Variants in FAM174B observed in about 807,000 individuals in gnomAD.
The protein encoded by FAM174B is membrane protein FAM174B.
In FAM174B, 12 loss-of-function variants were observed where a neutral mutation model predicts 10.9. The observed-to-expected ratio is 1.10, with a 90% CI of 0.71 to 1.79. The LOEUF (loss-of-function observed/expected upper bound fraction) is 1.79. Among genes scored for constraint, FAM174B ranks in the 40% most tolerant of loss-of-function variants. The pLI is 0.00. For synonymous variants in FAM174B, 132 were observed against 115.8 expected, an observed-to-expected ratio of 1.14 and a Z score of -0.90; for missense variants, 266 against 233.3, an observed-to-expected ratio of 1.14 and a Z score of -0.91.
chr15:92,622,520 G>A (rs1264262091), intron 2 of FAM174B, among the ~76,000 whole-genome samples: 3 of 152,238 alleles, frequency 2.0e-5, no homozygotes, highest in Non-Finnish European at 2.9e-5. Context: ...GAGGCTGGCT[G>A]TAAAGTCCTG....
At chr15:92,625,251 G>GA (rs1380987277) in intron 2 of FAM174B, among the ~76,000 whole-genome samples, 3 of 151,316 alleles carry the variant, frequency 2.0e-5, no homozygotes, top group South Asian at 2.1e-4. Context: ...AAAACTTCGA[G>GA]AAAAAAAAGC....
At chr15:92,648,045 C>G (rs1344074031) in intron 1 of FAM174B, among the ~76,000 whole-genome samples, 1 of 152,212 alleles carries the variant, frequency 6.6e-6, no homozygotes, top group African/African-American at 2.4e-5. Context: ...CAATCAAAAC[C>G]TCTTTGAATC....
chr15:92,642,652 T>G (rs2050899041), intron 1 of FAM174B, among the ~76,000 whole-genome samples: 1 of 152,208 alleles, frequency 6.6e-6, no homozygotes, highest in South Asian at 2.1e-4. Flanking sequence ...TGCTTCCTCT[T>G]CCGCCATGAT....
At chr15:92,647,030 T>C (rs574767100) in intron 1 of FAM174B, among the ~76,000 whole-genome samples, 13 of 152,350 alleles carry the variant, frequency 8.5e-5, no homozygotes, top group African/African-American at 2.6e-4. Context: ...TAAATCTCTT[T>C]AAATATTTTA....
intron 2 of FAM174B, among the ~76,000 whole-genome samples, chr15:92,623,728 G>A (rs755303466): frequency 2.6e-5 from 4 of 152,216 alleles, no homozygotes; most frequent in African/African-American, 9.6e-5. Context: ...ATGAGTGAAC[G>A]ACGGAGAAGC....
chr15:92,649,638 G>T (rs1287400188), intron 1 of FAM174B, among the ~76,000 whole-genome samples: 1 of 152,162 alleles, frequency 6.6e-6, no homozygotes, highest in Non-Finnish European at 1.5e-5. Context: ...TGCCCAGAAA[G>T]GTTCAATAAA....
intron 1 of FAM174B, among the ~76,000 whole-genome samples, chr15:92,635,456 C>T (rs575434609): frequency 6.6e-6 from 1 of 152,068 alleles, no homozygotes; most frequent in South Asian, 2.1e-4. Context: ...TGTGGTGCAC[C>T]GGCTGTGTTG....
At chr15:92,634,154 T>G (rs972960370) in intron 1 of FAM174B, among the ~76,000 whole-genome samples, 1 of 152,174 alleles carries the variant, frequency 6.6e-6, no homozygotes, top group African/African-American at 2.4e-5. Context: ...AGAAAAGAAA[T>G]GTCCTTCAAA....
intron 1 of FAM174B, among the ~76,000 whole-genome samples, chr15:92,638,768 C>T (rs1352622945): frequency 6.6e-5 from 10 of 152,204 alleles, no homozygotes. Context: ...TCTCACTTCT[C>T]CTGAGGCCAT....
rs765443275 is a variant in FAM174B, at chr15:92,655,349, A to T, written c.311T>A (p.Leu104His). 8.8e-6 allele frequency: 14 copies of T among 1,583,210 alleles called. No homozygotes were observed. The highest frequency in any genetic ancestry group is 1.2e-5 in the Non-Finnish European group (14 of 1,165,490). ...AVIVAFAFTT[L>H]LIACLLLRVF... is the part of the protein sequence containing the mutation. ...GCGCAGCAGCAGGCAGGCGATGAGG[A>T]GGGTGGTAAAGGCGAACGCCACGAT... The change falls in exon 1 of 3, where the codon CTC (leucine) becomes CAC (histidine). Residue 104 changes from leucine (L) to histidine (H), a missense_variant. By Grantham distance (99) the Leu-to-His change is moderately conservative (BLOSUM62 -3). Transcript: ENST00000327355.
At chr15:92,623,353 C>T (rs1375959395) in intron 2 of FAM174B, among the ~76,000 whole-genome samples, 2 of 152,124 alleles carry the variant, frequency 1.3e-5, no homozygotes, top group Non-Finnish European at 1.5e-5. Flanking sequence ...CCCCCAGAAC[C>T]GCCAAACTGC....
intron 1 of FAM174B, among the ~76,000 whole-genome samples, chr15:92,634,054 G>C (rs1174315055): frequency 6.6e-6 from 1 of 152,198 alleles, no homozygotes; most frequent in East Asian, 1.9e-4. Flanking sequence ...GACAAGTTGC[G>C]GCTGTCTGGG....
intron 1 of FAM174B, among the ~76,000 whole-genome samples, chr15:92,643,341 G>T (rs1490737709): frequency 4.9e-5 from 1 of 20,606 alleles, no homozygotes; most frequent in Non-Finnish European, 1.8e-4. Flanking sequence ...AAATAGGGAA[G>T]GAATGTGTGT....
chr15:92,649,463 A>G (rs1362458949), intron 1 of FAM174B, among the ~76,000 whole-genome samples: 1 of 152,214 alleles, frequency 6.6e-6, no homozygotes, highest in East Asian at 1.9e-4. Context: ...CAGAAGCAAG[A>G]CCAAAAGGTT....
At chr15:92,623,080 C>T (rs187245745) in intron 2 of FAM174B, among the ~76,000 whole-genome samples, 2 of 151,786 alleles carry the variant, frequency 1.3e-5, no homozygotes, top group South Asian at 2.1e-4. Context: ...CACTTGATCC[C>T]GGGAGGCAGA....
At chr15:92,623,224 G>C (rs912145325) in intron 2 of FAM174B, among the ~76,000 whole-genome samples, 2 of 151,998 alleles carry the variant, frequency 1.3e-5, no homozygotes, top group African/African-American at 4.8e-5. Context: ...CCCCTCGAGG[G>C]CAGGGCCAGG....
At chr15:92,622,597 C>T (rs1476746047) in intron 2 of FAM174B, among the ~76,000 whole-genome samples, 2 of 152,264 alleles carry the variant, frequency 1.3e-5, no homozygotes, top group African/African-American at 2.4e-5. Context: ...GGGGTTCCCC[C>T]GAGGAGGGGC....
intron 2 of FAM174B, among the ~76,000 whole-genome samples, chr15:92,627,867 TGAGACAGATAAA>T (rs1404401032): frequency 2.5e-4 from 38 of 152,354 alleles, no homozygotes; most frequent in Admixed American, 2.2e-3. Flanking sequence ...GTATTGAATG[TGAGACAGATAAA>T]ATGGCTTAGC....
At chr15:92,632,106 G>A (rs1166192442) in intron 1 of FAM174B, among the ~76,000 whole-genome samples, 1 of 152,212 alleles carries the variant, frequency 6.6e-6, no homozygotes, top group Non-Finnish European at 1.5e-5. Context: ...AAATAAAGAG[G>A]AATTAAATAC....
Sources: gnomAD v4.1 joint callset for allele counts (sites outside exome capture counted in the v4.1 genomes callset) on GRCh38, gnomAD v4.1.1 for gene constraint, MANE v1.5 for transcripts, NCBI Gene and HGNC (gene_info 2026-07-23, HGNC 2026-07-21) for gene names.